Variants in IL22RA2 observed in about 807,000 individuals in gnomAD.
IL22RA2 encodes interleukin-22 receptor subunit alpha-2.
A neutral mutation model predicts 30.7 loss-of-function variants in IL22RA2; 39 were observed. The observed-to-expected ratio is 1.27, with a 90% CI of 0.98 to 1.66. The LOEUF (loss-of-function observed/expected upper bound fraction) is 1.66. Among genes scored for constraint, IL22RA2 ranks in the 40% most tolerant of loss-of-function variants. The pLI is 0.00. For synonymous variants in IL22RA2, 103 were observed against 105.0 expected, an observed-to-expected ratio of 0.98 and a Z score of 0.11; for missense variants, 315 against 312.7, an observed-to-expected ratio of 1.01 and a Z score of -0.05.
chr6:137,145,823 CA>C, intron 6 of IL22RA2, 50 bp from the exon 7 acceptor site: 1 of 1,602,372 alleles, frequency 6.2e-7, no homozygotes, highest in Non-Finnish European at 8.5e-7. Context: ...GCCATTAAGT[CA>C]CAGCTGCATT....
intron 1 of IL22RA2, among the ~76,000 whole-genome samples, chr6:137,172,886 C>T (rs28385758): frequency 6.6e-6 from 1 of 151,766 alleles, no homozygotes; most frequent in East Asian, 1.9e-4. Flanking sequence ...TTTTTTAGAG[C>T]TACCTATTAT....
chr6:137,163,494 A>T lies in IL22RA2; in HGVS notation c.-65-1680T>A, dbSNP rs998571118. On this transcript the variant is annotated intron_variant, in intron 1 of 6. Coordinates refer to ENST00000296980, the MANE Select transcript of IL22RA2 (RefSeq NM_052962.3). ...CGGGAGAGTTTTAGCCCAGAAGGAG[A>T]ACAGCCCTTCCACGTTCTGGAGCCT... is the stretch of plus-strand genomic sequence containing the variant. Among the ~76,000 whole-genome samples, 4 of 152,130 alleles carry T rather than the reference A, an allele frequency of 2.6e-5. No homozygotes were observed. The East Asian group carries it at 7.7e-4, about 29-fold the overall frequency.
At chr6:137,173,136 C>T (rs566606709) in intron 1 of IL22RA2, among the ~76,000 whole-genome samples, 7 of 152,280 alleles carry the variant, frequency 4.6e-5, no homozygotes, top group East Asian at 3.9e-4. Context: ...CTTTGGAAGG[C>T]GGAGGTGGGT....
At chr6:137,169,426 G>A (rs933807138) in intron 1 of IL22RA2, among the ~76,000 whole-genome samples, 20 of 152,292 alleles carry the variant, frequency 1.3e-4, no homozygotes, top group African/African-American at 4.3e-4. Flanking sequence ...ATGGACAGGG[G>A]CATGTATATT....
rs1778785560 is a variant in IL22RA2, at chr6:137,173,571, A to T, written c.-224T>A. 1 of 152,230 alleles carries T rather than the reference A, an allele frequency of 6.6e-6. No homozygotes were observed. The highest frequency in any genetic ancestry group is 1.5e-5 in the Non-Finnish European group (1 of 68,038). The allele number at this position is 152,230 out of a possible 1,614,324, so 9.4% of individuals were successfully genotyped here. Reference sequence around the variant, plus strand: ...GGTATTATTATTCATTTGATGTTACAGATGAAGAAACTGAGACATAGATAG... The same window carrying T: ...GGTATTATTATTCATTTGATGTTACTGATGAAGAAACTGAGACATAGATAG... On this transcript the variant is annotated 5_prime_UTR_variant, in exon 1 of 7. Transcript: ENST00000296980.
chr6:137,169,383 T>C (rs186992861), intron 1 of IL22RA2, among the ~76,000 whole-genome samples: 56 of 152,264 alleles, frequency 3.7e-4, no homozygotes, highest in African/African-American at 1.3e-3. Flanking sequence ...ATAGGATCTG[T>C]GGAACAAAGG....
At chr6:137,150,191 C>T (rs1427430125) in intron 5 of IL22RA2, among the ~76,000 whole-genome samples, 1 of 152,184 alleles carries the variant, frequency 6.6e-6, no homozygotes, top group Admixed American at 6.5e-5. Context: ...GGAGGCAATG[C>T]ATGCAGCTGG....
intron 1 of IL22RA2, among the ~76,000 whole-genome samples, chr6:137,167,044 G>A (rs546305702): frequency 1.3e-5 from 2 of 152,304 alleles, no homozygotes; most frequent in East Asian, 3.9e-4. Context: ...TTCCCACCAG[G>A]ACAAAGAAAG....
rs769227340 is a variant in IL22RA2 at position 137,154,977 on chromosome 6, AT to A, written c.435del (p.Glu145AspfsTer4). ...VRAASAGSYS[E>X]WSMTPRFTPW... ...GGAGTGAACCGCGGCGTCATGCTCC[AT>A]TCTGAGTAGCTCCCAGCCGAGGCCG... On this transcript the variant is annotated frameshift_variant, in exon 5 of 7. Transcript: ENST00000296980. LOFTEE classifies it high-confidence loss of function. 1.3e-5 allele frequency: 21 copies of A among 1,614,002 alleles called. No individual in the cohort carries two copies. The African/African-American group carries it at 2.8e-4, about 22-fold the overall frequency.
chr6:137,151,122 G>C (rs1038596226), intron 5 of IL22RA2, among the ~76,000 whole-genome samples: 1 of 152,090 alleles, frequency 6.6e-6, no homozygotes, highest in African/African-American at 2.4e-5. Flanking sequence ...AAACAATCTT[G>C]AAAAAGATGA....
At chr6:137,148,403 C>A (rs549538200) in intron 5 of IL22RA2, among the ~76,000 whole-genome samples, 2 of 152,212 alleles carry the variant, frequency 1.3e-5, no homozygotes, top group South Asian at 4.2e-4. Flanking sequence ...GACAGTGTAG[C>A]CCTTGGAGGT....
chr6:137,162,815 C>T (rs995946501), intron 1 of IL22RA2, among the ~76,000 whole-genome samples: 3 of 152,150 alleles, frequency 2.0e-5, no homozygotes, highest in African/African-American at 4.8e-5. Flanking sequence ...ATGAACAGAG[C>T]CATGTGTGTG....
At chr6:137,148,313 A>T (rs1582876705) in intron 5 of IL22RA2, among the ~76,000 whole-genome samples, 1 of 152,202 alleles carries the variant, frequency 6.6e-6, no homozygotes, top group South Asian at 2.1e-4. Context: ...TCCTGTACTC[A>T]AGTGATTCTC....
chr6:137,170,507 C>A (rs1778711848), intron 1 of IL22RA2, among the ~76,000 whole-genome samples: 1 of 152,196 alleles, frequency 6.6e-6, no homozygotes, highest in Non-Finnish European at 1.5e-5. Context: ...GTTTAGGCTG[C>A]AAGACATGTC....
intron 3 of IL22RA2, among the ~76,000 whole-genome samples, chr6:137,158,011 T>C (rs1354421615): frequency 6.6e-6 from 1 of 152,230 alleles, no homozygotes; most frequent in Non-Finnish European, 1.5e-5. Flanking sequence ...CACTGAGTAC[T>C]CGCTATGTGC....
At chr6:137,171,126 A>T (rs1778726123) in intron 1 of IL22RA2, among the ~76,000 whole-genome samples, 1 of 152,246 alleles carries the variant, frequency 6.6e-6, no homozygotes, top group Admixed American at 6.5e-5. Flanking sequence ...AGCAGTATCC[A>T]TCCATGCAGC....
intron 1 of IL22RA2, among the ~76,000 whole-genome samples, chr6:137,171,846 G>C (rs979237942): frequency 3.9e-5 from 6 of 152,188 alleles, no homozygotes; most frequent in African/African-American, 1.4e-4. Flanking sequence ...AGGTTTGTGT[G>C]GATAACATCA....
At chr6:137,165,117 C>A (rs1167323442) in intron 1 of IL22RA2, among the ~76,000 whole-genome samples, 1 of 152,158 alleles carries the variant, frequency 6.6e-6, no homozygotes, top group African/African-American at 2.4e-5. Flanking sequence ...AGGCTGGGAC[C>A]CTAACCAGGC....
chr6:137,172,882 A>G lies in IL22RA2; in HGVS notation c.-66+531T>C, dbSNP rs1022003686. On this transcript the variant is annotated intron_variant, in intron 1 of 6. Coordinates refer to ENST00000296980, the MANE Select transcript of IL22RA2 (RefSeq NM_052962.3). ...TTGGTTATTATTTTTATTTTTTTTT[A>G]GAGCTACCTATTATAGTACTACAGA... Among the ~76,000 whole-genome samples, 9 of 151,956 alleles carry G rather than the reference A, an allele frequency of 5.9e-5. No homozygotes were observed. In the East Asian group the frequency reaches 1.5e-3, roughly 26 times the overall value.
Sources: gnomAD v4.1 joint callset for allele counts (sites outside exome capture counted in the v4.1 genomes callset) on GRCh38, gnomAD v4.1.1 for gene constraint, MANE v1.5 for transcripts, NCBI Gene and HGNC (gene_info 2026-07-23, HGNC 2026-07-21) for gene names.